ATP13A4: variants seen among roughly 807,000 people sequenced by gnomAD.
ATP13A4 encodes the protein ATPase 13A4, also known as probable cation-transporting ATPase 13A4.
ATP13A4 carries 114 observed loss-of-function variants against 142.5 expected under a neutral mutation model. The observed-to-expected ratio is 0.80, with a 90% CI of 0.69 to 0.93. The LOEUF (loss-of-function observed/expected upper bound fraction) is 0.93, where lower values mean the gene tolerates loss of function less well. Ranked by LOEUF, ATP13A4 falls within the 40% of genes least tolerant of loss-of-function variation. ATP13A4 has a pLI of 0.00. For missense variants in ATP13A4, 1,392 were observed against 1,454.0 expected (o/e 0.96, Z 0.69); for synonymous variants, 488 against 514.8 (o/e 0.95, Z 0.70).
chr3:193,400,509 G>T lies in ATP13A4; in HGVS notation c.*2143C>A, dbSNP rs1009844444. Among the ~76,000 whole-genome samples the T allele has an allele frequency of 2.0e-5, 3 of 152,180 alleles. No individual in the cohort carries two copies. Among genetic ancestry groups the T allele is most frequent in the African/African-American group, 4.8e-5 (2 of 41,432 alleles). ...AACAGAGGGCCTGGTATTAGCAAAGGGTTGCCCATTCTTTGCTTGACTGTG... is the reference window on the plus strand; with the variant it reads ...AACAGAGGGCCTGGTATTAGCAAAGTGTTGCCCATTCTTTGCTTGACTGTG... On this transcript the variant is annotated 3_prime_UTR_variant, in exon 30 of 30. Transcript: ENST00000342695.
In ATP13A4 at chr3:193,486,573, C is replaced by T. The variant is rs150923109; in HGVS notation, c.739-2568G>A. Among the ~76,000 whole-genome samples the T allele has an allele frequency of 5.3e-5, 8 of 152,312 alleles. No homozygotes were observed. The East Asian group carries it at 1.3e-3, about 26-fold the overall frequency. On this transcript the variant is annotated intron_variant, in intron 7 of 29. Transcript: ENST00000342695. ...TGGTCAGCAGTATCTGCTACCACAT[C>T]AGATAAACCTAAGTGCAGATTTGAG...
intron 17 of ATP13A4, among the ~76,000 whole-genome samples, chr3:193,452,921 T>C (rs1717367938): frequency 6.6e-6 from 1 of 152,060 alleles, no homozygotes; most frequent in Admixed American, 6.6e-5. Context: ...TGTAACTACC[T>C]GTACTATATA....
chr3:193,434,005 T>C, intron 24 of ATP13A4, 88 bp from the exon 25 acceptor site: 1 of 1,119,550 alleles, frequency 8.9e-7, no homozygotes, highest in South Asian at 1.2e-5. Flanking sequence ...CACTGTGACA[T>C]AGGGTTTTTC....
In ATP13A4 at chr3:193,414,644, C is replaced by G. The variant is rs771880221; in HGVS notation, c.2949G>C (p.Leu983=). The G allele has an allele frequency of 3.1e-6, 5 of 1,614,086 alleles. No homozygotes were observed. The highest frequency in any genetic ancestry group is 1.7e-4 in the Middle Eastern group (1 of 6,060). ...GGATGAAGCCTGCAATATGCATGGC[C>G]AGGCTGAGAAGAATGTTGAAAATCA... ...LSVIFNILLS[L]AMHIAGFILV... The change falls in exon 26 of 30, where the codon CTG becomes CTC. Residue 983 remains leucine, a synonymous_variant. Coordinates refer to ENST00000342695, the MANE Select transcript of ATP13A4 (RefSeq NM_032279.4).
chr3:193,573,322 T>TAC (rs1469936570), intron 2 of ATP13A4, among the ~76,000 whole-genome samples: 64 of 141,816 alleles, frequency 4.5e-4, no homozygotes, highest in African/African-American at 1.6e-3. Flanking sequence ...TATATATATA[T>TAC]ATATAATTTG....
chr3:193,556,507 G>GTA (rs201906502), upstream of ATP13A4, among the ~76,000 whole-genome samples: 28 of 148,916 alleles, frequency 1.9e-4, 1 homozygote, highest in South Asian at 8.4e-4. Context: ...GTGTGTGTGT[G>GTA]TGTATATATA....
At chr3:193,498,983 C>T (rs1720394187) in intron 3 of ATP13A4, among the ~76,000 whole-genome samples, 1 of 152,128 alleles carries the variant, frequency 6.6e-6, no homozygotes, top group African/African-American at 2.4e-5. Context: ...ACCGTGTCAA[C>T]TAGAAATGCA....
chr3:193,475,626 G>C (rs1354599557), intron 8 of ATP13A4, among the ~76,000 whole-genome samples: 3 of 151,968 alleles, frequency 2.0e-5, no homozygotes, highest in Non-Finnish European at 2.9e-5. Flanking sequence ...CTGTCTTACA[G>C]ATTTGACTTT....
At chr3:193,548,822 C>T (rs903603033) in intron 1 of ATP13A4, among the ~76,000 whole-genome samples, 1 of 152,210 alleles carries the variant, frequency 6.6e-6, no homozygotes, top group African/African-American at 2.4e-5. Context: ...GTGCCCATTA[C>T]TAGGTTCTCC....
In ATP13A4 at chr3:193,436,615, T is replaced by A. The variant is rs539128733; in HGVS notation, c.2673-871A>T. Among the ~76,000 whole-genome samples, 19 of 150,844 alleles carry A rather than the reference T, an allele frequency of 1.3e-4. No homozygotes were observed. The East Asian group carries it at 2.6e-3, about 20-fold the overall frequency. On this transcript the variant is annotated intron_variant, in intron 23 of 29. Coordinates refer to ENST00000342695, the MANE Select transcript of ATP13A4 (RefSeq NM_032279.4). Reference sequence around the variant, plus strand: ...GGCATGCTCCACCAGGTCTAGCTAATTTTTTTTTGTATTTTTAATAGAGAC... The same window carrying A: ...GGCATGCTCCACCAGGTCTAGCTAAATTTTTTTTGTATTTTTAATAGAGAC...
intron 1 of ATP13A4, chr3:193,553,346 C>A (rs552860661): frequency 6.6e-6 from 1 of 152,178 alleles, no homozygotes; most frequent in Admixed American, 6.5e-5. Flanking sequence ...CTTATTGAGA[C>A]TTGAAAGACA....
intron 2 of ATP13A4, 56 bp from the exon 3 acceptor site, chr3:193,502,695 A>T (rs1720621583): frequency 6.6e-7 from 1 of 1,509,028 alleles, no homozygotes; most frequent in Non-Finnish European, 9.2e-7. Context: ...GCAGGCTACA[A>T]TTCAACCTGA....
intron 18 of ATP13A4, among the ~76,000 whole-genome samples, chr3:193,447,565 C>T (rs1285129568): frequency 6.6e-6 from 1 of 152,146 alleles, no homozygotes; most frequent in East Asian, 1.9e-4. Flanking sequence ...ATTAGGAAAT[C>T]ATTTATTCAC....
At chr3:193,545,821 T>C (rs1723188186) in intron 1 of ATP13A4, among the ~76,000 whole-genome samples, 2 of 152,190 alleles carry the variant, frequency 1.3e-5, no homozygotes, top group Admixed American at 6.5e-5. Context: ...ACAACTGCCA[T>C]AAATTTCCAG....
At chr3:193,567,485 A>G (rs962387117) in intron 2 of ATP13A4, among the ~76,000 whole-genome samples, 7 of 152,222 alleles carry the variant, frequency 4.6e-5, no homozygotes, top group African/African-American at 1.7e-4. Flanking sequence ...CTCATCCTCA[A>G]GAGCATCACA....
At chr3:193,552,215 G>T (rs1042834250) in intron 1 of ATP13A4, among the ~76,000 whole-genome samples, 1 of 152,026 alleles carries the variant, frequency 6.6e-6, no homozygotes, top group African/African-American at 2.4e-5. Flanking sequence ...TTGGTGATCC[G>T]CCCGCCTCGG....
At chr3:193,424,209 A>C (rs1216916739) in intron 25 of ATP13A4, among the ~76,000 whole-genome samples, 1 of 149,448 alleles carries the variant, frequency 6.7e-6, no homozygotes, top group African/African-American at 2.5e-5. Flanking sequence ...AAGACATCCC[A>C]TGTTAATTGA....
At chr3:193,463,995 G>A (rs1718114734) in intron 12 of ATP13A4, among the ~76,000 whole-genome samples, 1 of 152,126 alleles carries the variant, frequency 6.6e-6, no homozygotes, top group South Asian at 2.1e-4. Flanking sequence ...TAGTAGTGAT[G>A]GTTGCAGAAC....
intron 2 of ATP13A4, among the ~76,000 whole-genome samples, chr3:193,577,682 G>A (rs1478673056): frequency 1.3e-5 from 2 of 152,206 alleles, no homozygotes; most frequent in Non-Finnish European, 2.9e-5. Context: ...CTCTAAACCT[G>A]TAGTCCTGAG....
Sources: gnomAD v4.1 joint callset for allele counts (sites outside exome capture counted in the v4.1 genomes callset) on GRCh38, gnomAD v4.1.1 for gene constraint, MANE v1.5 for transcripts, NCBI Gene and HGNC (gene_info 2026-07-23, HGNC 2026-07-21) for gene names.